IQGAP2: variants seen among roughly 807,000 people sequenced by gnomAD.
The protein encoded by IQGAP2 is ras GTPase-activating-like protein IQGAP2.
A neutral mutation model predicts 201.3 loss-of-function variants in IQGAP2; 173 were observed. The observed-to-expected ratio is 0.86, with a 90% confidence interval of 0.76 to 0.98. The LOEUF (loss-of-function observed/expected upper bound fraction) is 0.98, where lower values mean the gene tolerates loss of function less well. Ranked by LOEUF, IQGAP2 falls within the 50% of genes least tolerant of loss-of-function variation. The probability of loss-of-function intolerance (pLI) is 0.00; values close to 1 mark genes in which losing one functional copy is unlikely to be tolerated. For synonymous variants in IQGAP2, 675 were observed against 673.9 expected (o/e 1.00, Z -0.03); for missense variants, 1,687 against 1,864.8 (o/e 0.90, Z 1.76).
At chr5:76,629,728 G>T (rs1268121331) in intron 14 of IQGAP2, among the ~76,000 whole-genome samples, 1 of 152,112 alleles carries the variant, frequency 6.6e-6, no homozygotes, top group African/African-American at 2.4e-5. Context: ...TGCCCCGTTA[G>T]GGGTTCTATC....
intron 17 of IQGAP2, among the ~76,000 whole-genome samples, chr5:76,645,824 A>G (rs1490892730): frequency 3.6e-5 from 1 of 27,990 alleles, no homozygotes; most frequent in Non-Finnish European, 9.0e-5. Flanking sequence ...AATCCTTAGT[A>G]TATTAAAAAA....
chr5:76,534,190 G>C lies in IQGAP2; in HGVS notation c.147-28206G>C, dbSNP rs79940780. On this transcript the variant is annotated intron_variant, in intron 2 of 35. Coordinates refer to ENST00000274364, the MANE Select transcript of IQGAP2 (RefSeq NM_006633.5). ...ATGGAGAGCTAGTTATTTCAACACT[G>C]TTTGTGGAAAGCCAGTAGCATGGTG... Among the ~76,000 whole-genome samples the C allele has an allele frequency of 1.1e-3, 165 of 152,320 alleles. 1 individual carries two copies. The highest frequency in any genetic ancestry group is 3.9e-3 in the African/African-American group (161 of 41,576).
intron 5 of IQGAP2, 26 bp downstream of exon 5, chr5:76,575,795 T>A: frequency 7.4e-7 from 1 of 1,347,476 alleles, no homozygotes; most frequent in Non-Finnish European, 1.0e-6. Context: ...AGCTAAAAGG[T>A]GCTCTAAGAA....
chr5:76,429,582 T>TTATA lies in IQGAP2; in HGVS notation c.46+26003_46+26006dup, dbSNP rs70982604. 4.7e-3 allele frequency among the ~76,000 whole-genome samples: 570 copies of TTATA among 120,684 alleles called. 10 individuals are homozygous for TTATA. Among genetic ancestry groups the TTATA allele is most frequent in the African/African-American group, 0.012 (427 of 36,088 alleles). The allele number at this position is 120,684 out of a possible 152,430, so 79.2% of individuals were successfully genotyped here. Reference sequence around the variant, plus strand: ...GCGAGACTCTGTCTCAAAAAAAAATTTATATATATATATATGTATATTTAT... The same window carrying TTATA: ...GCGAGACTCTGTCTCAAAAAAAAATTTATATATATATATATATATGTATATTTAT... On this transcript the variant is annotated intron_variant, in intron 1 of 35. Transcript: ENST00000274364.
intron 4 of IQGAP2, among the ~76,000 whole-genome samples, chr5:76,572,626 C>T (rs1745194743): frequency 6.6e-6 from 1 of 151,932 alleles, no homozygotes; most frequent in Admixed American, 6.6e-5. Context: ...TTAGTAGAGA[C>T]AGGGTTTCCA....
At chr5:76,659,542 A>G (rs1299624635) in intron 21 of IQGAP2, among the ~76,000 whole-genome samples, 2 of 152,226 alleles carry the variant, frequency 1.3e-5, no homozygotes, top group Non-Finnish European at 1.5e-5. Flanking sequence ...TTGCAATTCT[A>G]GAAAATCCTA....
At chr5:76,532,694 C>G (rs866526857) in intron 2 of IQGAP2, among the ~76,000 whole-genome samples, 15 of 152,190 alleles carry the variant, frequency 9.9e-5, no homozygotes, top group Non-Finnish European at 5.9e-5. Context: ...CCCTTTCAGA[C>G]AGCCCTAGAG....
intron 2 of IQGAP2, among the ~76,000 whole-genome samples, chr5:76,500,546 C>T (rs527343960): frequency 2.0e-5 from 3 of 152,248 alleles, no homozygotes; most frequent in Admixed American, 6.5e-5. Context: ...GTGCATGGAA[C>T]ATATATGTAT....
intron 2 of IQGAP2, among the ~76,000 whole-genome samples, chr5:76,526,827 T>C (rs1005049030): frequency 3.9e-5 from 6 of 152,240 alleles, no homozygotes; most frequent in Non-Finnish European, 7.3e-5. Flanking sequence ...CTAGTTTTAT[T>C]ACTTAAGGGG....
intron 2 of IQGAP2, among the ~76,000 whole-genome samples, chr5:76,560,350 G>T (rs1161379252): frequency 1.3e-5 from 2 of 148,582 alleles, no homozygotes; most frequent in Non-Finnish European, 3.0e-5. Flanking sequence ...GAGAGCCAGG[G>T]CCTCACTGTG....
intron 1 of IQGAP2, among the ~76,000 whole-genome samples, chr5:76,417,577 G>A (rs939546988): frequency 5.3e-5 from 8 of 152,010 alleles, no homozygotes; most frequent in Middle Eastern, 3.4e-3. Flanking sequence ...AAGCCACCGC[G>A]CCTGGCCTAT....
intron 1 of IQGAP2, among the ~76,000 whole-genome samples, chr5:76,444,857 C>CT (rs1242322192): frequency 6.6e-6 from 1 of 152,020 alleles, no homozygotes; most frequent in African/African-American, 2.4e-5. Flanking sequence ...GGCTTAAGTG[C>CT]TTTTTGGAAA....
At chr5:76,582,233 C>G (rs1745920258) in intron 5 of IQGAP2, among the ~76,000 whole-genome samples, 1 of 152,210 alleles carries the variant, frequency 6.6e-6, no homozygotes, top group African/African-American at 2.4e-5. Context: ...CAATTATTTC[C>G]CTACTTCTAA....
chr5:76,624,026 G>A (rs898257695), intron 13 of IQGAP2, among the ~76,000 whole-genome samples: 1 of 143,468 alleles, frequency 7.0e-6, no homozygotes, highest in African/African-American at 2.6e-5. Context: ...CCCAAACAAC[G>A]CTGTTCAGTT....
rs1408560078 is a variant in IQGAP2, at chr5:76,635,025, T to C, written c.1781-2009T>C. ...ATGTGAAAAATGTAGGAATTCTACTTTCCTATTACCTACTGACATCCTAAC... is the reference window on the plus strand; with the variant it reads ...ATGTGAAAAATGTAGGAATTCTACTCTCCTATTACCTACTGACATCCTAAC... On this transcript the variant is annotated intron_variant, in intron 15 of 35. Coordinates refer to ENST00000274364, the MANE Select transcript of IQGAP2 (RefSeq NM_006633.5). 5.9e-5 allele frequency among the ~76,000 whole-genome samples: 9 copies of C among 152,222 alleles called. No homozygotes were observed. In the East Asian group the frequency reaches 1.5e-3, roughly 26 times the overall value.
chr5:76,403,424 G>A lies in IQGAP2; in HGVS notation c.-122G>A, dbSNP rs1561345309. The A allele has an allele frequency of 1.5e-6, 1 of 684,642 alleles. No individual in the cohort carries two copies. Among genetic ancestry groups the A allele is most frequent in the East Asian group, 3.6e-5 (1 of 27,928 alleles). 42.4% of individuals were successfully genotyped at this position (684,642 alleles called of 1,614,324 possible). A position where few individuals can be genotyped will look rare whatever the true frequency, so the allele number is the denominator to read the frequency against. ...GGAGTGGGTCGCAGATCTTCGGGCGGCTAGGGGAAATCGGCGAGAGGCGGG... is the reference window on the plus strand; with the variant it reads ...GGAGTGGGTCGCAGATCTTCGGGCGACTAGGGGAAATCGGCGAGAGGCGGG... On this transcript the variant is annotated 5_prime_UTR_variant, in exon 1 of 36. Coordinates refer to ENST00000274364, the MANE Select transcript of IQGAP2 (RefSeq NM_006633.5). The surrounding 1 kb of genome is among the most constrained non-coding windows in gnomAD (Gnocchi z 4.8).
chr5:76,698,668 A>G (rs1746980193), intron 33 of IQGAP2, among the ~76,000 whole-genome samples: 1 of 152,218 alleles, frequency 6.6e-6, no homozygotes, highest in African/African-American at 2.4e-5. Context: ...TATACAGTAT[A>G]GCCATTTTTA....
intron 5 of IQGAP2, among the ~76,000 whole-genome samples, chr5:76,580,664 T>C (rs980703656): frequency 6.6e-6 from 1 of 152,246 alleles, no homozygotes; most frequent in African/African-American, 2.4e-5. Flanking sequence ...TAATATCTCT[T>C]TCTTTTTGAT....
chr5:76,508,685 T>TG (rs1561425430), intron 2 of IQGAP2, among the ~76,000 whole-genome samples: 2 of 151,946 alleles, frequency 1.3e-5, no homozygotes, highest in African/African-American at 4.8e-5. Context: ...TCTGGTTTTT[T>TG]TTTTGTTTTG....
Sources: allele counts gnomAD v4.1 joint callset (sites outside exome capture counted in the v4.1 genomes callset), GRCh38; gene constraint gnomAD v4.1.1; non-coding constraint Gnocchi (gnomAD v3.1); transcripts MANE v1.5; gene names NCBI Gene and HGNC (gene_info 2026-07-23, HGNC 2026-07-21).